The following B3GALNT2 variants were observed in gnomAD, a reference collection of about 807,000 sequenced individuals.
B3GALNT2 encodes the protein beta-1,3-N-acetylgalactosaminyltransferase 2, also known as UDP-GalNAc:beta-1,3-N-acetylgalactosaminyltransferase 2.
A neutral mutation model predicts 61.1 loss-of-function variants in B3GALNT2; 53 were observed. The ratio of observed to expected loss-of-function variants is 0.87; its 90% CI spans 0.70 to 1.09. The LOEUF (loss-of-function observed/expected upper bound fraction) is 1.09, where lower values mean the gene tolerates loss of function less well. Among genes scored for constraint, B3GALNT2 ranks in the 50% least tolerant of loss-of-function variants. The probability of loss-of-function intolerance (pLI) is 0.00; values close to 1 mark genes in which losing one functional copy is unlikely to be tolerated. For missense variants in B3GALNT2, 544 were observed against 623.0 expected, an observed-to-expected ratio of 0.87 and a Z score of 1.35; for synonymous variants, 223 against 237.4, an observed-to-expected ratio of 0.94 and a Z score of 0.56.
the B3GALNT2 span, chr1:235,440,741 A>G: frequency 6.6e-6 from 1 of 152,064 alleles, no homozygotes; most frequent in East Asian, 1.9e-4. Flanking sequence ...AGTGAATAGG[A>G]AAGTTCGTAT....
chr1:235,483,386 AT>A (rs1684646455), intron 4 of B3GALNT2, among the ~76,000 whole-genome samples: 2 of 152,200 alleles, frequency 1.3e-5, no homozygotes, highest in South Asian at 4.1e-4. Context: ...ATTTGGTAAA[AT>A]ACATACATTT....
chr1:235,440,307 A>G, the B3GALNT2 span, among the ~76,000 whole-genome samples: 1 of 151,730 alleles, frequency 6.6e-6, no homozygotes, highest in Non-Finnish European at 1.5e-5. Context: ...CTTCTCTTGC[A>G]TATGTCCACC....
rs550986701 is a variant in B3GALNT2 at position 235,465,923 on chromosome 1, T to C, written c.763-209A>G. 2.4e-4 allele frequency: 129 copies of C among 530,832 alleles called. 1 individual carries two copies. Among genetic ancestry groups the C allele is most frequent in the Non-Finnish European group, 1.6e-4 (50 of 303,610 alleles). 32.9% of individuals were successfully genotyped at this position (530,832 alleles called of 1,614,324 possible). On this transcript the variant is annotated intron_variant, in intron 6 of 11. Coordinates refer to ENST00000366600, the MANE Select transcript of B3GALNT2 (RefSeq NM_152490.5). ...TAATTACAATACTAAAGATAAGATA[T>C]ACCCAACATTCCATAAGGTGTTCAG...
rs147400126 is a variant in B3GALNT2 at position 235,448,656 on chromosome 1, C to T, written c.*1550G>A. On this transcript the variant is annotated 3_prime_UTR_variant, in exon 12 of 12. Transcript: ENST00000366600. ...TCTTAATCACATCCTTCCCCACCTTCGTTCTAATTTTAGAAGCCGGGCAGA... is the reference window on the plus strand; with the variant it reads ...TCTTAATCACATCCTTCCCCACCTTTGTTCTAATTTTAGAAGCCGGGCAGA... The T allele has an allele frequency of 2.4e-4, 386 of 1,606,826 alleles. 2 individuals are homozygous for T. In the East Asian group the frequency reaches 7.1e-3, roughly 30 times the overall value.
chr1:235,482,196 A>C (rs1178788354), intron 4 of B3GALNT2, among the ~76,000 whole-genome samples: 2 of 152,148 alleles, frequency 1.3e-5, no homozygotes, highest in Non-Finnish European at 2.9e-5. Flanking sequence ...CAGAAACTAG[A>C]GAAGAATCAG....
chr1:235,463,512 T>TAG (rs1343979092), intron 7 of B3GALNT2: 2 of 150,140 alleles, frequency 1.3e-5, no homozygotes, highest in Admixed American at 6.7e-5. Context: ...AGACCCAGAA[T>TAG]AGCCAATCAA....
chr1:235,488,391 A>C (rs950483540), intron 3 of B3GALNT2, among the ~76,000 whole-genome samples: 3 of 152,088 alleles, frequency 2.0e-5, no homozygotes, highest in Non-Finnish European at 4.4e-5. Flanking sequence ...TCTGTCAAAA[A>C]TGATGAAATA....
chr1:235,495,565 A>C (rs1175655097), intron 1 of B3GALNT2, among the ~76,000 whole-genome samples: 3 of 152,156 alleles, frequency 2.0e-5, no homozygotes, highest in Non-Finnish European at 4.4e-5. Flanking sequence ...ATAATAAAGT[A>C]AGTCATTCTG....
chr1:235,443,153 C>A (rs1342079326), downstream of B3GALNT2, among the ~76,000 whole-genome samples: 1 of 151,036 alleles, frequency 6.6e-6, no homozygotes, highest in African/African-American at 2.5e-5. Context: ...ATTGGAAGCC[C>A]CTGCATATAA....
At chr1:235,500,560 C>G (rs291344) in intron 1 of B3GALNT2, among the ~76,000 whole-genome samples, 111,956 of 152,130 alleles carry the variant, frequency 0.74, 42,263 homozygotes, top group African/African-American at 0.91. Context: ...TTAAAAATCA[C>G]ACCAAAATTC....
chr1:235,478,273 G>A (rs1483254000), intron 5 of B3GALNT2, among the ~76,000 whole-genome samples: 2 of 152,098 alleles, frequency 1.3e-5, no homozygotes, highest in African/African-American at 4.8e-5. Context: ...GGCTGGTCTT[G>A]AACTCCTCAC....
chr1:235,470,365 C>T (rs551245681), intron 6 of B3GALNT2, among the ~76,000 whole-genome samples: 4 of 151,968 alleles, frequency 2.6e-5, no homozygotes, highest in African/African-American at 9.6e-5. Context: ...CGTAGGTGGG[C>T]GGATCACTTG....
At chr1:235,502,122 C>T (rs184939289) in intron 1 of B3GALNT2, among the ~76,000 whole-genome samples, 1 of 152,336 alleles carries the variant, frequency 6.6e-6, no homozygotes, top group African/African-American at 2.4e-5. Flanking sequence ...AAGTGATTCT[C>T]CTGCCTCAGC....
At position 235,454,329 on chromosome 1, in the gene B3GALNT2, T is replaced by C; in HGVS notation, c.1152-14A>G. On this transcript the variant is annotated splice_polypyrimidine_tract_variant and intron_variant, in intron 9 of 11. Coordinates refer to ENST00000366600, the MANE Select transcript of B3GALNT2 (RefSeq NM_152490.5). ...TTCAGTCTGAAACTGAGATGAAAAA[T>C]AATGTGGCCTCTTGTGTTAGTCTGA... is the stretch of plus-strand genomic sequence containing the variant. 1.2e-6 allele frequency: 2 copies of C among 1,601,788 alleles called. No individual in the cohort carries two copies. Among genetic ancestry groups the C allele is most frequent in the South Asian group, 2.2e-5 (2 of 89,662 alleles).
intron 6 of B3GALNT2, 66 bp from the exon 7 acceptor site, chr1:235,465,780 G>A: frequency 1.9e-6 from 3 of 1,575,948 alleles, no homozygotes; most frequent in South Asian, 1.1e-5. Context: ...TTTTAAAATC[G>A]ATTTGACAAA....
chr1:235,463,647 A>C (rs1683541712), intron 7 of B3GALNT2: 1 of 149,306 alleles, frequency 6.7e-6, no homozygotes, highest in African/African-American at 2.5e-5. Flanking sequence ...GCTCAATGCA[A>C]CCTCTGCCTC....
intron 1 of B3GALNT2, chr1:235,496,288 G>A: frequency 1.4e-6 from 1 of 705,522 alleles, no homozygotes; most frequent in Non-Finnish European, 1.9e-6. Flanking sequence ...TCCAGCCTGG[G>A]CAACAAGAGT....
chr1:235,464,505 A>G (rs1368631334), intron 7 of B3GALNT2: 1 of 124,462 alleles, frequency 8.0e-6, no homozygotes, highest in Non-Finnish European at 1.6e-5. Context: ...TCCCTCCCTC[A>G]CTTCCCACAT....
downstream of B3GALNT2, among the ~76,000 whole-genome samples, chr1:235,442,413 A>G (rs1482426640): frequency 1.3e-5 from 2 of 152,044 alleles, no homozygotes; most frequent in Non-Finnish European, 2.9e-5. Context: ...CAGGAGATCC[A>G]CCCGCCTCGG....
Sources: gnomAD v4.1 joint callset for allele counts (sites outside exome capture counted in the v4.1 genomes callset) on GRCh38, gnomAD v4.1.1 for gene constraint, MANE v1.5 for transcripts, NCBI Gene and HGNC (gene_info 2026-07-23, HGNC 2026-07-21) for gene names.